Variants in IDO2 observed in about 807,000 individuals in gnomAD.
The protein encoded by IDO2 is indoleamine 2,3-dioxygenase 2, also known as indoleamine 2,3-dioxygenase-like 1 protein.
A neutral mutation model predicts 45.1 loss-of-function variants in IDO2; 46 were observed. The ratio of observed to expected loss-of-function variants is 1.02; its 90% CI spans 0.80 to 1.30. IDO2 has a LOEUF of 1.30. Among genes scored for constraint, IDO2 ranks in the 50% most tolerant of loss-of-function variants. The probability of loss-of-function intolerance (pLI) is 0.00; values close to 1 mark genes in which losing one functional copy is unlikely to be tolerated. For missense variants in IDO2, 544 were observed against 491.8 expected, an observed-to-expected ratio of 1.11 and a Z score of -1.00; for synonymous variants, 218 against 184.9, an observed-to-expected ratio of 1.18 and a Z score of -1.45.
chr8:40,016,300 A>G (rs1802386699), exon 11 of IDO2: 3 of 398,070 alleles, frequency 7.5e-6, no homozygotes, highest in Non-Finnish European at 1.3e-5. Flanking sequence ...TGTAAAATGA[A>G]TGAATGGATC....
At chr8:39,996,566 C>T (rs758233757) in intron 8 of IDO2, among the ~76,000 whole-genome samples, 3 of 151,986 alleles carry the variant, frequency 2.0e-5, no homozygotes, top group Non-Finnish European at 4.4e-5. Context: ...AGTGGTCCCC[C>T]GGGCCCAGCC....
intron 1 of IDO2, among the ~76,000 whole-genome samples, chr8:39,944,278 T>TAAATACA (rs869302572): frequency 6.6e-6 from 1 of 151,844 alleles, no homozygotes; most frequent in African/African-American, 2.4e-5. Flanking sequence ...GGATCCACTT[T>TAAATACA]GGGATTACAG....
At chr8:39,979,220 G>T (rs769365216) in intron 4 of IDO2, 34 bp downstream of exon 4, 6 of 1,555,960 alleles carry the variant, frequency 3.9e-6, no homozygotes, top group Non-Finnish European at 5.2e-6. Context: ...CCTGTTACCC[G>T]GCAGGTTACC....
chr8:39,955,636 C>G (rs1213030428), intron 2 of IDO2, among the ~76,000 whole-genome samples: 1 of 152,004 alleles, frequency 6.6e-6, no homozygotes, highest in African/African-American at 2.4e-5. Context: ...ATCCATAGCT[C>G]TGAAGCTTAG....
chr8:40,005,280 TG>T (rs754371448), intron 8 of IDO2, 46 bp from the exon 9 acceptor site: 5 of 1,392,584 alleles, frequency 3.6e-6, no homozygotes, highest in Non-Finnish European at 5.0e-6. Context: ...TGTAACCAAT[TG>T]CTTTCTTTGC....
chr8:40,008,442 G>T (rs1039430061), intron 9 of IDO2, among the ~76,000 whole-genome samples: 1 of 152,152 alleles, frequency 6.6e-6, no homozygotes, highest in Non-Finnish European at 1.5e-5. Flanking sequence ...AAGGTCTTAT[G>T]TGATTAGATT....
intron 5 of IDO2, among the ~76,000 whole-genome samples, chr8:39,983,080 T>A (rs918934067): frequency 6.6e-6 from 1 of 152,232 alleles, no homozygotes; most frequent in Non-Finnish European, 1.5e-5. Context: ...TTCCCTAAGA[T>A]GCCCTCCATT....
At chr8:39,958,457 C>T (rs960959163) in intron 2 of IDO2, among the ~76,000 whole-genome samples, 8 of 151,272 alleles carry the variant, frequency 5.3e-5, no homozygotes, top group Non-Finnish European at 7.4e-5. Flanking sequence ...AGTGCACTGG[C>T]GTGATCTCAG....
intron 3 of IDO2, among the ~76,000 whole-genome samples, chr8:39,969,696 G>A (rs950566669): frequency 2.0e-5 from 3 of 152,172 alleles, no homozygotes; most frequent in African/African-American, 4.8e-5. Context: ...CCAACATGGC[G>A]AAACTCTGTC....
chr8:39,982,793 T>C (rs1453369847), intron 5 of IDO2, 23 bp downstream of exon 5: 5 of 1,410,462 alleles, frequency 3.5e-6, no homozygotes, highest in Non-Finnish European at 4.9e-6. Context: ...GAGAATGCTT[T>C]GAATTTCCAT....
chr8:39,963,665 T>C lies in IDO2; in HGVS notation c.157T>C (p.Leu53=), dbSNP rs369761792. 2.2e-4 allele frequency: 349 copies of C among 1,612,232 alleles called. 1 individual carries two copies. Among genetic ancestry groups the C allele is most frequent in the Non-Finnish European group, 2.8e-4 (333 of 1,178,810 alleles). The change falls in exon 3 of 11, where the codon TTG becomes CTG. Residue 53 remains leucine, a synonymous_variant. Coordinates refer to ENST00000502986, the Ensembl canonical transcript of IDO2. ...GGAAATTGCCAACAAACTTCCTCAA[T>C]TGATTGATGCTCACCAGCTTCAAGC...
intron 1 of IDO2, 91 bp from the exon 2 acceptor site, chr8:39,949,058 G>A: frequency 1.3e-6 from 2 of 1,511,784 alleles, no homozygotes; most frequent in Non-Finnish European, 1.8e-6. Flanking sequence ...CTGTGCCTGA[G>A]ACACTGCGCA....
At chr8:39,993,710 C>T (rs774130195) in intron 8 of IDO2, among the ~76,000 whole-genome samples, 1 of 151,914 alleles carries the variant, frequency 6.6e-6, no homozygotes, top group African/African-American at 2.4e-5. Flanking sequence ...TCTTTTTGAC[C>T]TAGAAAAGAT....
At chr8:39,987,502 CA>C (rs957692344) in intron 6 of IDO2, 27 of 171,600 alleles carry the variant, frequency 1.6e-4, no homozygotes, top group Middle Eastern at 2.6e-3. Flanking sequence ...TTCATACCTG[CA>C]AAAAAAAGAG....
rs34451617 is a variant in IDO2 at position 40,008,045 on chromosome 8, CTT to C, written c.719+2685_719+2686del. Among the ~76,000 whole-genome samples the C allele has an allele frequency of 2.8e-3, 287 of 103,300 alleles. 1 individual carries two copies. Among genetic ancestry groups the C allele is most frequent in the African/African-American group, 5.5e-3 (141 of 25,826 alleles). The allele number at this position is 103,300 out of a possible 152,430, so 67.8% of individuals were successfully genotyped here. On this transcript the variant is annotated intron_variant, in intron 9 of 10. Transcript: ENST00000502986. ...TTTTTTTTCCATCTCAGCACTGGCA[CTT>C]TTTTTTTTTTTTTTTTTGAGACAGA...
chr8:39,940,017 A>G (rs535859124), intron 1 of IDO2, among the ~76,000 whole-genome samples: 41 of 147,726 alleles, frequency 2.8e-4, no homozygotes, highest in African/African-American at 9.5e-4. Flanking sequence ...CACTGGTACT[A>G]CTGTGATTCA....
At chr8:39,944,016 A>G (rs1410323320) in intron 1 of IDO2, among the ~76,000 whole-genome samples, 1 of 152,214 alleles carries the variant, frequency 6.6e-6, no homozygotes, top group African/African-American at 2.4e-5. Context: ...ATAAGGAACC[A>G]TAAATCAAAC....
At chr8:39,954,778 C>T (rs569989459) in intron 2 of IDO2, among the ~76,000 whole-genome samples, 254 of 150,840 alleles carry the variant, frequency 1.7e-3, no homozygotes, top group Non-Finnish European at 2.2e-3. Flanking sequence ...GCCTCAGTCT[C>T]CTGAATAGCT....
intron 8 of IDO2, among the ~76,000 whole-genome samples, chr8:40,003,052 C>T (rs1379950670): frequency 6.6e-6 from 1 of 152,074 alleles, no homozygotes; most frequent in Non-Finnish European, 1.5e-5. Context: ...CTCTTCTCTT[C>T]AATACATTTC....
Sources: gnomAD v4.1 joint callset for allele counts (sites outside exome capture counted in the v4.1 genomes callset) on GRCh38, gnomAD v4.1.1 for gene constraint, MANE v1.5 for transcripts, NCBI Gene and HGNC (gene_info 2026-07-23, HGNC 2026-07-21) for gene names.